PLCL2: variants seen among roughly 807,000 people sequenced by gnomAD.
PLCL2 encodes the protein inactive phospholipase C-like protein 2.
A neutral mutation model predicts 79.6 loss-of-function variants in PLCL2; 4 were observed. The ratio of observed to expected loss-of-function variants is 0.05; its 90% CI spans 0.02 to 0.11. PLCL2 has a LOEUF of 0.11. Ranked by LOEUF, PLCL2 falls within the 10% of genes least tolerant of loss-of-function variation. PLCL2 has a pLI of 1.00. For missense variants in PLCL2, 895 were observed against 1,291.0 expected, an observed-to-expected ratio of 0.69 and a Z score of 4.70; for synonymous variants, 484 against 457.7, an observed-to-expected ratio of 1.06 and a Z score of -0.73.
intron 1 of PLCL2, among the ~76,000 whole-genome samples, chr3:16,971,135 C>T (rs1375468892): frequency 1.3e-5 from 2 of 151,206 alleles, no homozygotes; most frequent in Non-Finnish European, 3.0e-5. Flanking sequence ...GAAGTCCTTG[C>T]CCATGCCTAT....
At chr3:17,038,260 G>A (rs2064678960) in intron 3 of PLCL2, among the ~76,000 whole-genome samples, 1 of 152,098 alleles carries the variant, frequency 6.6e-6, no homozygotes, top group Non-Finnish European at 1.5e-5. Context: ...AAATCCATTA[G>A]CAACAACTAT....
At chr3:16,895,635 T>C (rs911052516) in intron 1 of PLCL2, among the ~76,000 whole-genome samples, 2 of 152,184 alleles carry the variant, frequency 1.3e-5, no homozygotes, top group Admixed American at 6.5e-5. Context: ...TTACTCCATA[T>C]GTATATTGAA....
intron 3 of PLCL2, among the ~76,000 whole-genome samples, chr3:17,039,207 T>A (rs2064692191): frequency 6.6e-6 from 1 of 152,240 alleles, no homozygotes; most frequent in South Asian, 2.1e-4. Flanking sequence ...TGGCCCCTGC[T>A]AGATCAGCTG....
At chr3:16,990,417 G>A (rs954156509) in intron 1 of PLCL2, among the ~76,000 whole-genome samples, 3 of 152,176 alleles carry the variant, frequency 2.0e-5, no homozygotes, top group African/African-American at 4.8e-5. Flanking sequence ...GAGGCCCTGC[G>A]GAAGCATTAG....
Position 16,885,346 on chromosome 3 carries a change from C to T in PLCL2, c.307C>T (p.Arg103Cys). The T allele has an allele frequency of 3.1e-6, 2 of 651,664 alleles. No individual in the cohort carries two copies. The highest frequency in any genetic ancestry group is 5.5e-6 in the Non-Finnish European group (2 of 361,138). The allele number at this position is 651,664 out of a possible 1,614,324, so 40.4% of individuals were successfully genotyped here. A position where few individuals can be genotyped will look rare whatever the true frequency, so the allele number is the denominator to read the frequency against. ...GGAGAGCAAGCCGGGCGGCCTGCCC[C>T]GCCGGAGCAGCATCATCAAGGTAGG... Reference protein sequence around the residue: ...PRESKPGGLPRRSSIIKDGTK... With the variant: ...PRESKPGGLPCRSSIIKDGTK... Residue 103 changes from arginine (R) to cysteine (C), a missense_variant, in exon 1 of 6, where the codon CGC (arginine) becomes TGC (cysteine). Transcript: ENST00000615277.
Position 17,009,017 on chromosome 3 carries a change from CT to C in PLCL2, c.328-656del, listed in dbSNP as rs1378011741. On this transcript the variant is annotated intron_variant, in intron 1 of 5. Transcript: ENST00000615277. The surrounding 1 kb of genome is among the most constrained non-coding windows in gnomAD (Gnocchi z 4.0). ...TTTTTTTTTTTGAGACGGATTCTCA[CT>C]CTGTTGCCCAGGCTGGAGTGCAGTG... Among the ~76,000 whole-genome samples the C allele has an allele frequency of 6.6e-6, 1 of 151,454 alleles. No homozygotes were observed. The highest frequency in any genetic ancestry group is 1.5e-5 in the Non-Finnish European group (1 of 67,900).
intron 3 of PLCL2, among the ~76,000 whole-genome samples, chr3:17,031,702 C>T (rs1372265212): frequency 6.6e-6 from 1 of 152,122 alleles, no homozygotes; most frequent in Non-Finnish European, 1.5e-5. Flanking sequence ...ACCAAGTTCT[C>T]CCCTAACAAG....
rs117993122 is a variant in PLCL2, at chr3:17,051,977, G to A, written c.3094+9028G>A. ...CAGCATGTAGATTAAAGGGTCATAA[G>A]TACCTTTAAGGCTCATTACAGAGGA... On this transcript the variant is annotated intron_variant, in intron 4 of 5. Coordinates refer to ENST00000615277, the MANE Select transcript of PLCL2 (RefSeq NM_001144382.2). Among the ~76,000 whole-genome samples the A allele has an allele frequency of 6.0e-3, 918 of 152,178 alleles. 50 individuals are homozygous for A. In the East Asian group the frequency reaches 0.14, roughly 23 times the overall value.
intron 1 of PLCL2, among the ~76,000 whole-genome samples, chr3:16,928,961 G>A (rs1293470798): frequency 1.5e-5 from 1 of 68,432 alleles, no homozygotes; most frequent in Non-Finnish European, 2.9e-5. Flanking sequence ...GTGAAACGTA[G>A]AGGCTGTGAG....
chr3:16,909,288 G>A (rs1251558506), intron 1 of PLCL2, among the ~76,000 whole-genome samples: 2 of 152,152 alleles, frequency 1.3e-5, no homozygotes, highest in South Asian at 2.1e-4. Flanking sequence ...GCAAGGACCT[G>A]TGTTCAAATT....
intron 4 of PLCL2, among the ~76,000 whole-genome samples, chr3:17,043,485 C>T (rs890786230): frequency 6.6e-6 from 1 of 152,018 alleles, no homozygotes; most frequent in Non-Finnish European, 1.5e-5. Flanking sequence ...AACAATCATC[C>T]CATTAATTTT....
At chr3:17,033,607 C>T (rs1027310757) in intron 3 of PLCL2, among the ~76,000 whole-genome samples, 10 of 152,096 alleles carry the variant, frequency 6.6e-5, no homozygotes, top group Non-Finnish European at 1.2e-4. Context: ...CACACACACC[C>T]CTCAAACATC....
intron 1 of PLCL2, among the ~76,000 whole-genome samples, chr3:16,931,573 G>T (rs1181565034): frequency 6.6e-6 from 1 of 152,116 alleles, no homozygotes; most frequent in East Asian, 1.9e-4. Flanking sequence ...TGCCTTTAAG[G>T]GATAGAAAAG....
chr3:17,035,668 T>C (rs2064641348), intron 3 of PLCL2: 1 of 420,206 alleles, frequency 2.4e-6, no homozygotes, highest in African/African-American at 2.1e-5. Flanking sequence ...CTGCTTAAAA[T>C]TGTCAAGGGT....
chr3:16,947,460 G>A (rs2063613413), intron 1 of PLCL2, among the ~76,000 whole-genome samples: 1 of 152,174 alleles, frequency 6.6e-6, no homozygotes, highest in Non-Finnish European at 1.5e-5. Context: ...TACTGCGACT[G>A]TCAGAAAGAA....
chr3:17,057,010 G>A (rs2064898871), intron 4 of PLCL2, among the ~76,000 whole-genome samples: 1 of 152,144 alleles, frequency 6.6e-6, no homozygotes, highest in South Asian at 2.1e-4. Flanking sequence ...TGTCCTGGGT[G>A]AAGGGAAATA....
intron 3 of PLCL2, among the ~76,000 whole-genome samples, chr3:17,025,520 T>C (rs548791771): frequency 6.6e-6 from 1 of 152,282 alleles, no homozygotes; most frequent in South Asian, 2.1e-4. Context: ...ATGGAATAAT[T>C]TGGATGGAAT....
intron 1 of PLCL2, among the ~76,000 whole-genome samples, chr3:16,924,797 G>A (rs1403407151): frequency 6.6e-6 from 1 of 152,134 alleles, no homozygotes; most frequent in Non-Finnish European, 1.5e-5. Context: ...GTCAGTGATT[G>A]CAAATAACCA....
chr3:17,027,083 C>T (rs1365598469), intron 3 of PLCL2, among the ~76,000 whole-genome samples: 1 of 152,028 alleles, frequency 6.6e-6, no homozygotes, highest in Non-Finnish European at 1.5e-5. Context: ...CAACATATAT[C>T]GTAATATGTG....
Sources: gnomAD v4.1 joint callset for allele counts (sites outside exome capture counted in the v4.1 genomes callset) on GRCh38, gnomAD v4.1.1 for gene constraint, Gnocchi (gnomAD v3.1) non-coding constraint, MANE v1.5 for transcripts, NCBI Gene and HGNC (gene_info 2026-07-23, HGNC 2026-07-21) for gene names.